The following GSK3B variants were observed in gnomAD, a reference collection of about 807,000 sequenced individuals.
GSK3B encodes glycogen synthase kinase 3 beta, also known as glycogen synthase kinase-3 beta.
A neutral mutation model predicts 56.4 loss-of-function variants in GSK3B; 15 were observed. The observed-to-expected ratio is 0.27, with a 90% CI of 0.18 to 0.41. GSK3B has a LOEUF of 0.41. GSK3B is among the 10% of genes least tolerant of loss of function. The pLI is 1.00. For missense variants in GSK3B, 300 were observed against 513.4 expected, an observed-to-expected ratio of 0.58 and a Z score of 4.02; for synonymous variants, 181 against 188.9, an observed-to-expected ratio of 0.96 and a Z score of 0.34.
intron 1 of GSK3B, among the ~76,000 whole-genome samples, chr3:120,039,659 TATTCAC>T (rs757646324): frequency 1.3e-5 from 2 of 152,072 alleles, no homozygotes; most frequent in Non-Finnish European, 2.9e-5. Flanking sequence ...TTGGAAAAAA[TATTCAC>T]AAGTAGCCAA....
At chr3:120,006,620 C>T (rs6796719) in intron 1 of GSK3B, among the ~76,000 whole-genome samples, 2,638 of 152,286 alleles carry the variant, frequency 0.017, 81 homozygotes, top group African/African-American at 0.061. Context: ...TCATTCAAAA[C>T]CACACAACTG....
At chr3:119,959,268 C>T (rs1375736871) in intron 2 of GSK3B, among the ~76,000 whole-genome samples, 1 of 152,098 alleles carries the variant, frequency 6.6e-6, no homozygotes, top group Non-Finnish European at 1.5e-5. Context: ...GATCAGACTC[C>T]CAATTGTATA....
rs536602243 is a variant in GSK3B at position 120,076,407 on chromosome 3, GA to G, written c.88+16939del. On this transcript the variant is annotated intron_variant, in intron 1 of 10. Transcript: ENST00000264235. ...AGCAAAGGAAACAACAAAATAAAAAGACAACCTACAGACTGGGAAAACATTT... is the reference window on the plus strand; with the variant it reads ...AGCAAAGGAAACAACAAAATAAAAAGCAACCTACAGACTGGGAAAACATTT... 1.2e-4 allele frequency among the ~76,000 whole-genome samples: 18 copies of G among 152,274 alleles called. No individual in the cohort carries two copies. The South Asian group carries it at 3.7e-3, about 32-fold the overall frequency.
chr3:119,851,164 A>C (rs1177708834), intron 9 of GSK3B, among the ~76,000 whole-genome samples: 2 of 152,236 alleles, frequency 1.3e-5, no homozygotes, highest in African/African-American at 4.8e-5. Context: ...CACAATTTAA[A>C]CAAAAGCAAA....
At chr3:120,082,806 ATAT>A (rs1415380607) in intron 1 of GSK3B, among the ~76,000 whole-genome samples, 3 of 152,186 alleles carry the variant, frequency 2.0e-5, no homozygotes, top group African/African-American at 7.2e-5. Flanking sequence ...ACATCTTGAT[ATAT>A]TATTAGTTTA....
At chr3:120,028,921 CA>C in intron 1 of GSK3B, 1 of 541,148 alleles carries the variant, frequency 1.8e-6, no homozygotes. Context: ...GGCTGAACCT[CA>C]AAGATCAGAC....
intron 1 of GSK3B, among the ~76,000 whole-genome samples, chr3:120,054,307 T>C (rs183714880): frequency 1.2e-4 from 19 of 152,288 alleles, no homozygotes; most frequent in Non-Finnish European, 1.2e-4. Context: ...ACCAGCTTCA[T>C]AGGCAAACTT....
chr3:119,845,881 G>A (rs2055848876), intron 9 of GSK3B, among the ~76,000 whole-genome samples: 1 of 151,828 alleles, frequency 6.6e-6, no homozygotes, highest in African/African-American at 2.4e-5. Context: ...AAAGAACAAA[G>A]CTGGCGGCAT....
At chr3:119,919,308 T>C (rs2056812721) in intron 4 of GSK3B, among the ~76,000 whole-genome samples, 1 of 152,172 alleles carries the variant, frequency 6.6e-6, no homozygotes, top group South Asian at 2.1e-4. Context: ...TACTTGCATT[T>C]ACTACTTTTA....
At chr3:119,894,122 G>A (rs1559826155) in intron 7 of GSK3B, among the ~76,000 whole-genome samples, 1 of 152,012 alleles carries the variant, frequency 6.6e-6, no homozygotes. Context: ...TAAATAGAAT[G>A]GAATTATATA....
At chr3:120,062,216 G>T (rs981349255) in intron 1 of GSK3B, among the ~76,000 whole-genome samples, 4 of 151,950 alleles carry the variant, frequency 2.6e-5, no homozygotes, top group Non-Finnish European at 5.9e-5. Flanking sequence ...CTCTTCATGT[G>T]AATTCATTGC....
intron 1 of GSK3B, among the ~76,000 whole-genome samples, chr3:120,074,300 T>G (rs1576311310): frequency 7.8e-6 from 1 of 128,648 alleles, no homozygotes. Flanking sequence ...GCCCTGTCTC[T>G]AAAAAAAAAA....
chr3:119,894,705 C>G (rs996712578), intron 7 of GSK3B, among the ~76,000 whole-genome samples: 1 of 152,062 alleles, frequency 6.6e-6, no homozygotes, highest in African/African-American at 2.4e-5. Context: ...TTTTAAGTTT[C>G]TTGATGCTGT....
At chr3:119,847,945 TCTAGA>T (rs2055878899) in intron 9 of GSK3B, among the ~76,000 whole-genome samples, 1 of 152,226 alleles carries the variant, frequency 6.6e-6, no homozygotes, top group Non-Finnish European at 1.5e-5. Context: ...ATAAGACTTA[TCTAGA>T]CACTAGTGGA....
At chr3:120,071,366 A>G (rs754005454) in intron 1 of GSK3B, among the ~76,000 whole-genome samples, 1 of 152,212 alleles carries the variant, frequency 6.6e-6, no homozygotes, top group South Asian at 2.1e-4. Flanking sequence ...AACGCTATAT[A>G]TCAGGGGTTT....
chr3:120,088,734 C>T (rs2058486485), intron 1 of GSK3B, among the ~76,000 whole-genome samples: 1 of 152,246 alleles, frequency 6.6e-6, no homozygotes, highest in South Asian at 2.1e-4. Flanking sequence ...ATCCGGGGAA[C>T]CCGGTTGGTC....
intron 1 of GSK3B, among the ~76,000 whole-genome samples, chr3:120,076,169 A>C (rs2058365585): frequency 6.6e-6 from 1 of 152,212 alleles, no homozygotes; most frequent in Non-Finnish European, 1.5e-5. Context: ...CAAAATAATG[A>C]AACTGAATCC....
chr3:119,941,808 A>C (rs1363135696), intron 3 of GSK3B, among the ~76,000 whole-genome samples: 1 of 152,132 alleles, frequency 6.6e-6, no homozygotes, highest in Non-Finnish European at 1.5e-5. Flanking sequence ...GGCGGGGAGG[A>C]GGCTTATAAA....
chr3:120,079,691 G>A (rs1024824252), intron 1 of GSK3B, among the ~76,000 whole-genome samples: 5 of 152,144 alleles, frequency 3.3e-5, no homozygotes, highest in East Asian at 1.9e-4. Flanking sequence ...CACCGCACCC[G>A]GCCTATATAA....
Sources: gnomAD v4.1 joint callset for allele counts (sites outside exome capture counted in the v4.1 genomes callset) on GRCh38, gnomAD v4.1.1 for gene constraint, MANE v1.5 for transcripts, NCBI Gene and HGNC (gene_info 2026-07-23, HGNC 2026-07-21) for gene names.